Variants in EXOC6B observed in about 807,000 individuals in gnomAD.
EXOC6B encodes the protein exocyst complex component 6B.
In EXOC6B, 54 loss-of-function variants were observed where a neutral mutation model predicts 113.5. That is an observed-to-expected ratio of 0.48 (90% CI 0.38 to 0.60). The LOEUF is 0.60. Among genes scored for constraint, EXOC6B ranks in the 20% least tolerant of loss-of-function variants. The pLI, the probability that EXOC6B is intolerant of heterozygous loss-of-function variation, is 0.00. For missense variants in EXOC6B, 797 were observed against 977.5 expected, an observed-to-expected ratio of 0.82 and a Z score of 2.46; for synonymous variants, 357 against 339.0, an observed-to-expected ratio of 1.05 and a Z score of -0.58.
intron 18 of EXOC6B, among the ~76,000 whole-genome samples, chr2:72,389,216 T>C (rs1692225816): frequency 6.6e-6 from 1 of 152,068 alleles, no homozygotes; most frequent in Non-Finnish European, 1.5e-5. Context: ...TTAATAGTTA[T>C]ATTTCCTTAT....
intron 8 of EXOC6B, among the ~76,000 whole-genome samples, chr2:72,555,659 G>A (rs547945021): frequency 1.3e-5 from 2 of 152,098 alleles, no homozygotes; most frequent in African/African-American, 2.4e-5. Context: ...CAACTTTCAA[G>A]GGACAGAGTG....
chr2:72,194,997 T>C (rs2104300877), intron 20 of EXOC6B, among the ~76,000 whole-genome samples: 1 of 152,324 alleles, frequency 6.6e-6, no homozygotes, highest in African/African-American at 2.4e-5. Context: ...TCCAGGTGGA[T>C]GGAAGCTTCA....
chr2:72,629,256 C>T (rs1425612733), intron 6 of EXOC6B, among the ~76,000 whole-genome samples: 1 of 152,214 alleles, frequency 6.6e-6, no homozygotes, highest in Non-Finnish European at 1.5e-5. Flanking sequence ...TCACCTCGCT[C>T]ATCCAGAAAC....
At chr2:72,408,404 C>A (rs939031523) in intron 18 of EXOC6B, among the ~76,000 whole-genome samples, 2 of 152,144 alleles carry the variant, frequency 1.3e-5, no homozygotes, top group African/African-American at 4.8e-5. Context: ...GCCCACATTG[C>A]CAAGTCACTC....
intron 6 of EXOC6B, among the ~76,000 whole-genome samples, chr2:72,617,125 G>T (rs568959019): frequency 1.3e-5 from 2 of 152,158 alleles, no homozygotes; most frequent in African/African-American, 4.8e-5. Context: ...TCCATGTCTC[G>T]CATCCAGGTC....
intron 1 of EXOC6B, among the ~76,000 whole-genome samples, chr2:72,810,630 T>C (rs1289474454): frequency 6.6e-6 from 1 of 152,156 alleles, no homozygotes; most frequent in Non-Finnish European, 1.5e-5. Flanking sequence ...ATCAATAAAA[T>C]TTAAAACAGA....
chr2:72,249,315 A>G (rs980529673), intron 20 of EXOC6B, among the ~76,000 whole-genome samples: 1 of 152,108 alleles, frequency 6.6e-6, no homozygotes, highest in Non-Finnish European at 1.5e-5. Context: ...GCTGGAGTGC[A>G]GTGGTGCAAT....
intron 6 of EXOC6B, among the ~76,000 whole-genome samples, chr2:72,625,645 G>A (rs1474177254): frequency 6.6e-6 from 1 of 152,144 alleles, no homozygotes; most frequent in Non-Finnish European, 1.5e-5. Flanking sequence ...AAAGGCTCCA[G>A]GCCATACCAA....
intron 20 of EXOC6B, among the ~76,000 whole-genome samples, chr2:72,314,747 C>T (rs951403807): frequency 5.3e-5 from 8 of 152,094 alleles, no homozygotes; most frequent in African/African-American, 1.9e-4. Flanking sequence ...TTTAATGGTA[C>T]GGTAGCTTGC....
intron 1 of EXOC6B, among the ~76,000 whole-genome samples, chr2:72,783,568 C>G (rs1160012159): frequency 6.6e-6 from 1 of 151,984 alleles, no homozygotes; most frequent in Non-Finnish European, 1.5e-5. Context: ...GTGATCTGCC[C>G]ACCTCAGCCT....
At chr2:72,710,143 C>A (rs892700338) in intron 6 of EXOC6B, among the ~76,000 whole-genome samples, 3 of 151,896 alleles carry the variant, frequency 2.0e-5, no homozygotes, top group Admixed American at 6.6e-5. Flanking sequence ...TTACTTTTTA[C>A]CCTAAAGAAC....
chr2:72,327,934 C>A (rs1251510774), intron 20 of EXOC6B, among the ~76,000 whole-genome samples: 2 of 152,092 alleles, frequency 1.3e-5, no homozygotes, highest in Non-Finnish European at 2.9e-5. Flanking sequence ...CTAAAGCATT[C>A]CAGAAGCTGA....
intron 18 of EXOC6B, among the ~76,000 whole-genome samples, chr2:72,411,679 A>T (rs1210112139): frequency 6.6e-6 from 1 of 152,242 alleles, no homozygotes; most frequent in African/African-American, 2.4e-5. Flanking sequence ...TAATATGAGC[A>T]GAATCTGGTC....
At chr2:72,586,130 C>G (rs1705553184) in intron 6 of EXOC6B, among the ~76,000 whole-genome samples, 1 of 152,094 alleles carries the variant, frequency 6.6e-6, no homozygotes, top group Non-Finnish European at 1.5e-5. Context: ...TGGAAAACCT[C>G]AAACTATTAA....
Position 72,371,931 on chromosome 2 carries a change from G to T in EXOC6B, c.2122+7798C>A, listed in dbSNP as rs755373771. Reference sequence around the variant, plus strand: ...GATATTATATTTAGAAAAACCTAAAGCCTCCACCAAAAAAATGATAAGAAT... The same window carrying T: ...GATATTATATTTAGAAAAACCTAAATCCTCCACCAAAAAAATGATAAGAAT... On this transcript the variant is annotated intron_variant, in intron 19 of 21. Coordinates refer to ENST00000272427, the MANE Select transcript of EXOC6B (RefSeq NM_015189.3). 3.8e-4 allele frequency among the ~76,000 whole-genome samples: 58 copies of T among 152,182 alleles called. 1 individual carries two copies. Among genetic ancestry groups the T allele is most frequent in the Middle Eastern group, 3.4e-3 (1 of 292 alleles).
At chr2:72,395,295 C>T (rs925056564) in intron 18 of EXOC6B, among the ~76,000 whole-genome samples, 1 of 152,092 alleles carries the variant, frequency 6.6e-6, no homozygotes, top group Non-Finnish European at 1.5e-5. Flanking sequence ...ATGGTAGACG[C>T]CTGACTGTCT....
At chr2:72,255,100 A>G (rs1426624071) in intron 20 of EXOC6B, among the ~76,000 whole-genome samples, 1 of 152,202 alleles carries the variant, frequency 6.6e-6, no homozygotes, top group Non-Finnish European at 1.5e-5. Context: ...GAGACTTGGC[A>G]TGTGTCTCAT....
At chr2:72,533,892 A>G (rs1260313474) in intron 8 of EXOC6B, among the ~76,000 whole-genome samples, 2 of 152,214 alleles carry the variant, frequency 1.3e-5, no homozygotes, top group Admixed American at 1.3e-4. Flanking sequence ...GATACTATAA[A>G]GTAAAAGGAG....
chr2:72,427,124 G>C (rs1695241029), intron 18 of EXOC6B, among the ~76,000 whole-genome samples: 1 of 152,238 alleles, frequency 6.6e-6, no homozygotes. Flanking sequence ...GCAGCAGCCA[G>C]GGACAAGTGG....
Sources: gnomAD v4.1 joint callset for allele counts (sites outside exome capture counted in the v4.1 genomes callset) on GRCh38, gnomAD v4.1.1 for gene constraint, MANE v1.5 for transcripts, NCBI Gene and HGNC (gene_info 2026-07-23, HGNC 2026-07-21) for gene names.